Variants in LRMDA observed in about 807,000 individuals in gnomAD.
LRMDA encodes the protein leucine rich melanocyte differentiation associated, also known as leucine-rich melanocyte differentiation-associated protein.
In LRMDA, 18 loss-of-function variants were observed where a neutral mutation model predicts 29.8. The ratio of observed to expected loss-of-function variants is 0.60; its 90% CI spans 0.42 to 0.90. The LOEUF is 0.90. Ranked by LOEUF, LRMDA falls within the 40% of genes least tolerant of loss-of-function variation. LRMDA has a pLI of 0.00. For missense variants in LRMDA, 273 were observed against 273.9 expected, an observed-to-expected ratio of 1.00 and a Z score of 0.02; for synonymous variants, 125 against 109.4, an observed-to-expected ratio of 1.14 and a Z score of -0.89.
At chr10:75,695,217 G>T (rs1003577149) in intron 2 of LRMDA, among the ~76,000 whole-genome samples, 5 of 151,942 alleles carry the variant, frequency 3.3e-5, no homozygotes, top group East Asian at 1.9e-4. Flanking sequence ...TTTGATTCTG[G>T]TTTTTTAAAA....
intron 2 of LRMDA, among the ~76,000 whole-genome samples, chr10:75,590,833 T>C (rs10824320): frequency 0.62 from 90,564 of 145,496 alleles, 30,769 homozygotes; most frequent in East Asian, 0.86. Context: ...ACTGCAATTC[T>C]GCCTCCCGGG....
intron 2 of LRMDA, among the ~76,000 whole-genome samples, chr10:75,707,843 A>T (rs1185583787): frequency 6.6e-6 from 1 of 151,958 alleles, no homozygotes; most frequent in Non-Finnish European, 1.5e-5. Flanking sequence ...GGGGACGGGG[A>T]CTGGGGCTTT....
chr10:75,571,073 T>A (rs1275324449), intron 2 of LRMDA, among the ~76,000 whole-genome samples: 1 of 152,210 alleles, frequency 6.6e-6, no homozygotes. Flanking sequence ...GATTTAAATA[T>A]CTGCATAATT....
At chr10:75,941,173 C>T (rs372123854) in intron 2 of LRMDA, among the ~76,000 whole-genome samples, 2 of 152,152 alleles carry the variant, frequency 1.3e-5, no homozygotes, top group Non-Finnish European at 2.9e-5. Context: ...GAGCCCTTCA[C>T]GCTGTATTGG....
chr10:76,177,980 G>T (rs899671041), intron 5 of LRMDA, among the ~76,000 whole-genome samples: 1 of 152,208 alleles, frequency 6.6e-6, no homozygotes, highest in Non-Finnish European at 1.5e-5. Flanking sequence ...CCCCCATGCT[G>T]CTTAGCTCAC....
At chr10:76,295,158 A>G (rs776061580) in intron 5 of LRMDA, among the ~76,000 whole-genome samples, 13 of 152,200 alleles carry the variant, frequency 8.5e-5, no homozygotes, top group Non-Finnish European at 1.6e-4. Context: ...TTAATGGTAT[A>G]AGGAGGGAAG....
intron 2 of LRMDA, among the ~76,000 whole-genome samples, chr10:75,824,256 C>G (rs1844212985): frequency 6.6e-6 from 1 of 152,104 alleles, no homozygotes; most frequent in Non-Finnish European, 1.5e-5. Flanking sequence ...TTTAATGTAG[C>G]TACTAGAAAC....
intron 2 of LRMDA, among the ~76,000 whole-genome samples, chr10:75,487,928 A>C (rs1844935036): frequency 6.6e-6 from 1 of 152,160 alleles, no homozygotes; most frequent in African/African-American, 2.4e-5. Flanking sequence ...GCTATTTTTG[A>C]AATTCTGGTT....
chr10:76,175,807 T>C (rs549981308), intron 5 of LRMDA, among the ~76,000 whole-genome samples: 3 of 152,240 alleles, frequency 2.0e-5, no homozygotes, highest in African/African-American at 7.2e-5. Context: ...TGCGCCCAGT[T>C]GGGGTTGGGC....
At chr10:76,096,718 T>C (rs976294404) in intron 5 of LRMDA, among the ~76,000 whole-genome samples, 1 of 152,176 alleles carries the variant, frequency 6.6e-6, no homozygotes, top group Non-Finnish European at 1.5e-5. Flanking sequence ...CTTAACAATA[T>C]TGAGTCTGTG....
At chr10:75,590,273 C>A (rs1840707033) in intron 2 of LRMDA, among the ~76,000 whole-genome samples, 1 of 152,172 alleles carries the variant, frequency 6.6e-6, no homozygotes. Flanking sequence ...CTGGCCTCAG[C>A]CTCCCAAAGT....
chr10:76,241,008 G>A (rs541203369), intron 5 of LRMDA, among the ~76,000 whole-genome samples: 2 of 152,050 alleles, frequency 1.3e-5, no homozygotes, highest in Admixed American at 6.6e-5. Context: ...AAGTAACTCA[G>A]GAATGGAAAA....
rs75015581 is a variant in LRMDA at position 76,557,106 on chromosome 10, C to T, written c.602-103C>T. 3,885 of 880,170 alleles carry T rather than the reference C, an allele frequency of 4.4e-3. 97 individuals carry two copies. In the African/African-American group the frequency reaches 0.057, roughly 13 times the overall value. The allele number at this position is 880,170 out of a possible 1,614,324, so 54.5% of individuals were successfully genotyped here. A position where few individuals can be genotyped will look rare whatever the true frequency, so the allele number is the denominator to read the frequency against. On this transcript the variant is annotated intron_variant, in intron 6 of 6. Coordinates refer to ENST00000611255, the MANE Select transcript of LRMDA (RefSeq NM_001305581.2). ...TGGAGCTTCATCCACTTTCTGCTGC[C>T]CATTGGATCTATGATTATCTTGCAT...
chr10:76,524,872 A>AT (rs911505999), intron 6 of LRMDA, among the ~76,000 whole-genome samples: 1 of 152,040 alleles, frequency 6.6e-6, no homozygotes, highest in Non-Finnish European at 1.5e-5. Context: ...TCAGCTTTTC[A>AT]TTTTTTTTCC....
intron 5 of LRMDA, among the ~76,000 whole-genome samples, chr10:76,304,631 C>G (rs1564717366): frequency 6.6e-6 from 1 of 152,118 alleles, no homozygotes; most frequent in Non-Finnish European, 1.5e-5. Flanking sequence ...TATCCTCCAC[C>G]CTTGGAGGCC....
intron 5 of LRMDA, among the ~76,000 whole-genome samples, chr10:76,172,349 C>G (rs542655030): frequency 1.3e-5 from 2 of 152,278 alleles, no homozygotes; most frequent in South Asian, 4.1e-4. Context: ...GAAGAACAAA[C>G]AGGGTGAGCC....
chr10:75,722,555 C>T lies in LRMDA; in HGVS notation c.131+284061C>T, dbSNP rs1009587755. Among the ~76,000 whole-genome samples the T allele has an allele frequency of 1.4e-4, 22 of 152,096 alleles. 1 individual carries two copies. Among genetic ancestry groups the T allele is most frequent in the African/African-American group, 4.8e-4 (20 of 41,412 alleles). On this transcript the variant is annotated intron_variant, in intron 2 of 6. Coordinates refer to ENST00000611255, the MANE Select transcript of LRMDA (RefSeq NM_001305581.2). ...GGGCACCAAGTCCAGGGCTAACCTC[C>T]GTGAATGGGGTTTCCTTCTGTTGTG...
chr10:76,312,523 A>G (rs2132380269), intron 5 of LRMDA, among the ~76,000 whole-genome samples: 1 of 152,256 alleles, frequency 6.6e-6, no homozygotes, highest in East Asian at 1.9e-4. Flanking sequence ...GAAAAGAGAC[A>G]CATGAGGCAA....
At chr10:76,130,690 A>T (rs917285053) in intron 5 of LRMDA, among the ~76,000 whole-genome samples, 1 of 151,568 alleles carries the variant, frequency 6.6e-6, no homozygotes, top group Non-Finnish European at 1.5e-5. Flanking sequence ...ACGAAGTTTC[A>T]CTCTTGTTAC....
Sources: gnomAD v4.1 joint callset for allele counts (sites outside exome capture counted in the v4.1 genomes callset) on GRCh38, gnomAD v4.1.1 for gene constraint, MANE v1.5 for transcripts, NCBI Gene and HGNC (gene_info 2026-07-23, HGNC 2026-07-21) for gene names.